Variants in PKIA observed in about 807,000 individuals in gnomAD.
PKIA encodes PKI-alpha.
PKIA carries 4 observed loss-of-function variants against 7.6 expected under a neutral mutation model. The observed-to-expected ratio is 0.52, with a 90% CI of 0.26 to 1.20. The LOEUF (loss-of-function observed/expected upper bound fraction) is 1.20, where lower values mean the gene tolerates loss of function less well. Among genes scored for constraint, PKIA ranks in the 50% most tolerant of loss-of-function variants. The pLI is 0.13. For synonymous variants in PKIA, 21 were observed against 30.7 expected, an observed-to-expected ratio of 0.68 and a Z score of 1.04; for missense variants, 73 against 86.2, an observed-to-expected ratio of 0.85 and a Z score of 0.61.
At chr8:78,555,020 A>G (rs1333264600) in intron 1 of PKIA, among the ~76,000 whole-genome samples, 1 of 152,008 alleles carries the variant, frequency 6.6e-6, no homozygotes, top group Non-Finnish European at 1.5e-5. Flanking sequence ...GTCTATGGCA[A>G]TCTGCGTTTT....
At chr8:78,579,608 G>A (rs1404112453) in intron 2 of PKIA, among the ~76,000 whole-genome samples, 1 of 152,058 alleles carries the variant, frequency 6.6e-6, no homozygotes, top group Non-Finnish European at 1.5e-5. Flanking sequence ...TTTTGCGAAA[G>A]ATAGATACAT....
intron 2 of PKIA, among the ~76,000 whole-genome samples, chr8:78,587,581 T>C (rs1318386407): frequency 6.6e-6 from 1 of 152,110 alleles, no homozygotes; most frequent in East Asian, 1.9e-4. Flanking sequence ...ATTAAATATA[T>C]GATATAAAAA....
At chr8:78,588,882 C>T (rs1006186847) in intron 2 of PKIA, among the ~76,000 whole-genome samples, 1 of 141,568 alleles carries the variant, frequency 7.1e-6, no homozygotes, top group African/African-American at 2.6e-5. Context: ...GCCTGGGCAA[C>T]AAAGTGAGAC....
At chr8:78,529,723 T>C (rs1203785754) in intron 1 of PKIA, among the ~76,000 whole-genome samples, 1 of 151,944 alleles carries the variant, frequency 6.6e-6, no homozygotes, top group East Asian at 1.9e-4. Context: ...ATAAGATTCT[T>C]AGAGTAGAAA....
chr8:78,575,363 G>C (rs1490805453), intron 2 of PKIA, among the ~76,000 whole-genome samples: 1 of 151,120 alleles, frequency 6.6e-6, no homozygotes, highest in Non-Finnish European at 1.5e-5. Flanking sequence ...TTGTTTTGTG[G>C]CTTATAAAAT....
Position 78,601,816 on chromosome 8 carries a change from A to C in PKIA, c.226A>C (p.Ser76Arg), listed in dbSNP as rs769292489. The C allele has an allele frequency of 8.7e-6, 14 of 1,610,328 alleles. No individual in the cohort carries two copies. The highest frequency in any genetic ancestry group is 1.3e-5 in the African/African-American group (1 of 74,786). Residue 76 changes from serine (S) to arginine (R), a missense_variant, in exon 4 of 4, where the codon AGC becomes CGC. Physicochemically the swap from Ser to Arg is moderately radical, Grantham distance 110. Coordinates refer to ENST00000396418, the MANE Select transcript of PKIA (RefSeq NM_006823.4). ...CCAGGGAGAAGCAGCAAAATCTGAA[A>C]GCTAACACCCCACTTTGACCCTCGA... is the stretch of plus-strand genomic sequence containing the variant. ...EAQGEAAKSES is the reference protein window; with the variant it reads ...EAQGEAAKSER
intron 1 of PKIA, among the ~76,000 whole-genome samples, chr8:78,524,865 C>T (rs982615695): frequency 6.6e-6 from 1 of 151,876 alleles, no homozygotes; most frequent in Non-Finnish European, 1.5e-5. Flanking sequence ...CAGTATGGTA[C>T]ATGGCTTTAA....
At chr8:78,522,107 C>T (rs1169592490) in intron 1 of PKIA, among the ~76,000 whole-genome samples, 2 of 151,782 alleles carry the variant, frequency 1.3e-5, no homozygotes, top group East Asian at 1.9e-4. Flanking sequence ...ATGTATATAA[C>T]ACATATGGTA....
At chr8:78,595,068 A>C (rs1808197089) in intron 2 of PKIA, among the ~76,000 whole-genome samples, 2 of 152,202 alleles carry the variant, frequency 1.3e-5, no homozygotes, top group African/African-American at 4.8e-5. Context: ...TAGTTGAGCC[A>C]ATTGGCACAA....
At chr8:78,542,944 A>T (rs555772114) in intron 1 of PKIA, among the ~76,000 whole-genome samples, 1 of 152,300 alleles carries the variant, frequency 6.6e-6, no homozygotes, top group South Asian at 2.1e-4. Flanking sequence ...CCAAGATTTC[A>T]GCAGCGAGAA....
chr8:78,565,748 G>C (rs1807396884), intron 1 of PKIA, among the ~76,000 whole-genome samples: 1 of 151,742 alleles, frequency 6.6e-6, no homozygotes, highest in African/African-American at 2.4e-5. Flanking sequence ...TACAGGACCA[G>C]ATACAAAGCA....
chr8:78,564,488 T>C (rs1807359768), intron 1 of PKIA, among the ~76,000 whole-genome samples: 8 of 152,052 alleles, frequency 5.3e-5, no homozygotes, highest in Admixed American at 5.2e-4. Context: ...TTGATTAATT[T>C]ATCAAAATCA....
chr8:78,596,276 C>T (rs1051874296), intron 2 of PKIA, among the ~76,000 whole-genome samples: 1 of 151,984 alleles, frequency 6.6e-6, no homozygotes, highest in Non-Finnish European at 1.5e-5. Context: ...TTCACTCTCG[C>T]CGCCCAGGCT....
At chr8:78,562,257 T>C (rs1156327120) in intron 1 of PKIA, among the ~76,000 whole-genome samples, 1 of 152,164 alleles carries the variant, frequency 6.6e-6, no homozygotes, top group Non-Finnish European at 1.5e-5. Flanking sequence ...CTAATGGTAA[T>C]CATCAGTGAA....
At chr8:78,534,320 C>T (rs986392580) in intron 1 of PKIA, 2 of 152,064 alleles carry the variant, frequency 1.3e-5, no homozygotes, top group African/African-American at 2.4e-5. Flanking sequence ...AAATCCCCAG[C>T]GCAAGAACAC....
At chr8:78,578,997 C>T (rs558990749) in intron 2 of PKIA, among the ~76,000 whole-genome samples, 1 of 152,162 alleles carries the variant, frequency 6.6e-6, no homozygotes, top group East Asian at 1.9e-4. Flanking sequence ...TTTTCTATCA[C>T]TTTCACTCCA....
chr8:78,584,244 A>G (rs1270601454), intron 2 of PKIA, among the ~76,000 whole-genome samples: 1 of 151,950 alleles, frequency 6.6e-6, no homozygotes, highest in Non-Finnish European at 1.5e-5. Context: ...AAAAACAATT[A>G]TTATCATATA....
intron 1 of PKIA, among the ~76,000 whole-genome samples, chr8:78,550,274 A>G (rs1273963691): frequency 6.6e-6 from 1 of 152,112 alleles, no homozygotes; most frequent in Non-Finnish European, 1.5e-5. Context: ...TTAGGGTCCT[A>G]TCCTTCGTGC....
At chr8:78,556,443 T>G (rs1585895045) in intron 1 of PKIA, 1 of 108,078 alleles carries the variant, frequency 9.3e-6, no homozygotes, top group Non-Finnish European at 1.8e-5. Flanking sequence ...TGGGATTTTG[T>G]TTTTTTTTAC....
Sources: allele counts gnomAD v4.1 joint callset (sites outside exome capture counted in the v4.1 genomes callset), GRCh38; gene constraint gnomAD v4.1.1; transcripts MANE v1.5; gene names NCBI Gene and HGNC (gene_info 2026-07-23, HGNC 2026-07-21).